Variants in SYNE3 observed in about 807,000 individuals in gnomAD.
SYNE3 encodes spectrin repeat containing nuclear envelope family member 3, also known as nesprin-3.
A neutral mutation model predicts 111.2 loss-of-function variants in SYNE3; 100 were observed. That is an observed-to-expected ratio of 0.90 (90% CI 0.77 to 1.06). SYNE3 has a LOEUF of 1.06. Ranked by LOEUF, SYNE3 falls within the 50% of genes least tolerant of loss-of-function variation. The pLI is 0.00. For missense variants in SYNE3, 1,160 were observed against 1,240.3 expected (o/e 0.94, Z 0.97); for synonymous variants, 547 against 533.9 (o/e 1.02, Z -0.34).
intron 1 of SYNE3, among the ~76,000 whole-genome samples, chr14:95,512,575 G>C (rs1422708247): frequency 6.7e-6 from 1 of 148,876 alleles, no homozygotes; most frequent in Non-Finnish European, 1.5e-5. Flanking sequence ...TAAATAGGCT[G>C]GGCACGGTGG....
At chr14:95,432,225 T>C in intron 16 of SYNE3, 108 bp from the exon 17 acceptor site, 2 of 1,359,200 alleles carry the variant, frequency 1.5e-6, no homozygotes, top group Non-Finnish European at 2.0e-6. Flanking sequence ...GTCAGGGGAG[T>C]GTTTCTTTAA....
At chr14:95,442,756 C>A (rs1886478993) in intron 11 of SYNE3, among the ~76,000 whole-genome samples, 1 of 152,216 alleles carries the variant, frequency 6.6e-6, no homozygotes, top group Non-Finnish European at 1.5e-5. Context: ...TGCAAGGGAC[C>A]CGAGGCCGCC....
At position 95,485,120 on chromosome 14, in the gene SYNE3, C is replaced by T. The variant is rs557506333; in HGVS notation, c.-14-9285G>A. 6.6e-6 allele frequency among the ~76,000 whole-genome samples: 1 copy of T among 152,278 alleles called. No individual in the cohort carries two copies. The highest frequency in any genetic ancestry group is 2.1e-4 in the South Asian group (1 of 4,818). ...GAGAACAGATGATTCTAACCATGGG[C>T]GTGAGTGTGTATTTGGCAAATTCAT... On this transcript the variant is annotated intron_variant, in intron 1 of 17. Coordinates refer to ENST00000682763, the MANE Select transcript of SYNE3 (RefSeq NM_152592.6). The surrounding 1 kb of genome is among the most constrained non-coding windows in gnomAD (Gnocchi z 4.3).
intron 17 of SYNE3, among the ~76,000 whole-genome samples, chr14:95,422,899 G>A (rs1197875821): frequency 6.6e-6 from 1 of 152,222 alleles, no homozygotes; most frequent in African/African-American, 2.4e-5. Flanking sequence ...GTCTTGCTCT[G>A]GCAGTGCCAG....
In SYNE3 at chr14:95,412,680, CT is replaced by C. The variant is rs902975617; in HGVS notation, c.*5145del. The C allele has an allele frequency of 5.9e-5, 9 of 152,248 alleles. No homozygotes were observed. The highest frequency in any genetic ancestry group is 2.2e-4 in the African/African-American group (9 of 41,438). The allele number at this position is 152,248 out of a possible 1,614,324, so 9.4% of individuals were successfully genotyped here. A position where few individuals can be genotyped will look rare whatever the true frequency, so the allele number is the denominator to read the frequency against. On this transcript the variant is annotated 3_prime_UTR_variant, in exon 18 of 18. Transcript: ENST00000682763. Reference sequence around the variant, plus strand: ...GTTGCCACAACTTTCCACGATGTCCCTCTTCCCATTTCTCTTTCCTTCTCTC... The same window carrying C: ...GTTGCCACAACTTTCCACGATGTCCCCTTCCCATTTCTCTTTCCTTCTCTC...
At chr14:95,488,109 A>G (rs1889640936) in intron 1 of SYNE3, among the ~76,000 whole-genome samples, 3 of 152,246 alleles carry the variant, frequency 2.0e-5, no homozygotes, top group Admixed American at 2.0e-4. Flanking sequence ...CATACAAAGT[A>G]TGTATTAATC....
rs982352359 is a variant in SYNE3 at position 95,409,345 on chromosome 14, C to T, written c.*8481G>A. On this transcript the variant is annotated 3_prime_UTR_variant, in exon 18 of 18. Transcript: ENST00000682763. ...CGCTCGGGGTATGTTTTCTTCCCTCCCTTTCTCATCAGAACAGGAAGAGGG... is the reference window on the plus strand; with the variant it reads ...CGCTCGGGGTATGTTTTCTTCCCTCTCTTTCTCATCAGAACAGGAAGAGGG... The T allele has an allele frequency of 6.6e-6, 3 of 456,644 alleles. No individual in the cohort carries two copies. Among genetic ancestry groups the T allele is most frequent in the Non-Finnish European group, 8.8e-6 (2 of 226,998 alleles). The allele number at this position is 456,644 out of a possible 1,614,324, so 28.3% of individuals were successfully genotyped here.
chr14:95,409,102 G>A lies in SYNE3; in HGVS notation c.*8724C>T, dbSNP rs547928080. ...AGCTGCCAGAGTGGCAGCAGCCCGC[G>A]GCCTGCAAAGGAAAGGAAAGCAACT... is the stretch of plus-strand genomic sequence containing the variant. On this transcript the variant is annotated 3_prime_UTR_variant, in exon 18 of 18. Coordinates refer to ENST00000682763, the MANE Select transcript of SYNE3 (RefSeq NM_152592.6). The A allele has an allele frequency of 1.5e-3, 660 of 452,200 alleles. 10 individuals carry two copies. Among genetic ancestry groups the A allele is most frequent in the South Asian group, 9.5e-3 (615 of 64,432 alleles). The allele number at this position is 452,200 out of a possible 1,614,324, so 28.0% of individuals were successfully genotyped here. A position where few individuals can be genotyped will look rare whatever the true frequency, so the allele number is the denominator to read the frequency against.
chr14:95,441,875 G>T (rs1038061231), intron 11 of SYNE3, among the ~76,000 whole-genome samples: 1 of 152,238 alleles, frequency 6.6e-6, no homozygotes, highest in Non-Finnish European at 1.5e-5. Context: ...GGTGGTGAGG[G>T]TGATACTAGG....
intron 17 of SYNE3, among the ~76,000 whole-genome samples, chr14:95,426,021 CT>C (rs1462786694): frequency 6.6e-6 from 1 of 152,186 alleles, no homozygotes; most frequent in African/African-American, 2.4e-5. Flanking sequence ...GAAGTAGCTA[CT>C]GGGTACCTCA....
Position 95,418,045 on chromosome 14 carries a change from A to C in SYNE3, c.2728-19T>G, listed in dbSNP as rs1259212579. 6.2e-7 allele frequency: 1 copy of C among 1,604,700 alleles called. No homozygotes were observed. Among genetic ancestry groups the C allele is most frequent in the Non-Finnish European group, 8.5e-7 (1 of 1,179,428 alleles). ...GCCGAGTCTGCGGAACCAACACAGCACAGGTGAGTGGGCTGGGGGGCTCTG... is the reference window on the plus strand; with the variant it reads ...GCCGAGTCTGCGGAACCAACACAGCCCAGGTGAGTGGGCTGGGGGGCTCTG... On this transcript the variant is annotated intron_variant, in intron 17 of 17. Coordinates refer to ENST00000682763, the MANE Select transcript of SYNE3 (RefSeq NM_152592.6).
intron 4 of SYNE3, 81 bp from the exon 5 acceptor site, chr14:95,457,419 G>GGTGTGTGT: frequency 7.1e-7 from 1 of 1,399,528 alleles, no homozygotes; most frequent in Non-Finnish European, 9.7e-7. Flanking sequence ...AGCCTGCCTG[G>GGTGTGTGT]GTGTGTGTGT....
chr14:95,465,842 T>G, intron 4 of SYNE3, 89 bp downstream of exon 4: 2 of 1,376,042 alleles, frequency 1.5e-6, no homozygotes, highest in South Asian at 2.9e-5. Flanking sequence ...AATAGCTTGA[T>G]AGTAGGCAAA....
At chr14:95,447,941 G>A (rs1215027988) in intron 8 of SYNE3, among the ~76,000 whole-genome samples, 2 of 152,148 alleles carry the variant, frequency 1.3e-5, no homozygotes, top group Non-Finnish European at 2.9e-5. Flanking sequence ...TGTGAATTAT[G>A]ACAATAAAAA....
chr14:95,418,621 T>C (rs1884892613), intron 17 of SYNE3, among the ~76,000 whole-genome samples: 1 of 151,928 alleles, frequency 6.6e-6, no homozygotes, highest in Non-Finnish European at 1.5e-5. Context: ...TTTTTTCCTT[T>C]GAGATGGAGT....
At chr14:95,511,131 C>T (rs1005171642) in intron 1 of SYNE3, among the ~76,000 whole-genome samples, 1 of 152,262 alleles carries the variant, frequency 6.6e-6, no homozygotes. Context: ...TCACCTGCTG[C>T]GTGATTTGGG....
chr14:95,488,211 G>T (rs1303956876), intron 1 of SYNE3, among the ~76,000 whole-genome samples: 1 of 152,170 alleles, frequency 6.6e-6, no homozygotes, highest in Non-Finnish European at 1.5e-5. Context: ...ATTTTCAAGT[G>T]TGCAAGGGCC....
chr14:95,471,077 A>T (rs61981458), intron 2 of SYNE3, among the ~76,000 whole-genome samples: 34,322 of 151,946 alleles, frequency 0.23, 4,272 homozygotes, highest in South Asian at 0.29. Flanking sequence ...ATAAGTCCAA[A>T]TTTACAAACA....
At chr14:95,436,789 A>G in intron 15 of SYNE3, 31 bp downstream of exon 15, 1 of 1,611,168 alleles carries the variant, frequency 6.2e-7, no homozygotes, top group Non-Finnish European at 8.5e-7. Context: ...TGCAAACCTT[A>G]TGGATGAGGG....
Sources: gnomAD v4.1 joint callset for allele counts (sites outside exome capture counted in the v4.1 genomes callset) on GRCh38, gnomAD v4.1.1 for gene constraint, Gnocchi (gnomAD v3.1) non-coding constraint, MANE v1.5 for transcripts, NCBI Gene and HGNC (gene_info 2026-07-23, HGNC 2026-07-21) for gene names.